Variants in MAGI2 observed in about 807,000 individuals in gnomAD.
MAGI2 encodes the protein membrane associated guanylate kinase, WW and PDZ domain containing 2.
Under a neutral mutation model 133.3 loss-of-function variants are expected in MAGI2, and 35 were observed. The ratio of observed to expected loss-of-function variants is 0.26; its 90% CI spans 0.20 to 0.35. The LOEUF (loss-of-function observed/expected upper bound fraction) is 0.35. Ranked by LOEUF, MAGI2 falls within the 10% of genes least tolerant of loss-of-function variation. MAGI2 has a pLI of 1.00. For synonymous variants in MAGI2, 729 were observed against 710.6 expected (o/e 1.03, Z -0.41); for missense variants, 1,636 against 1,863.4 (o/e 0.88, Z 2.25).
rs376769327 is a variant in MAGI2, at chr7:78,367,525, C to G, written c.1103+1631G>C. 2.0e-5 allele frequency among the ~76,000 whole-genome samples: 3 copies of G among 152,336 alleles called. No individual in the cohort carries two copies. The East Asian group carries it at 5.8e-4, about 29-fold the overall frequency. ...GTTGCTGATGGTTGCTTTCAAGCTA[C>G]AACAGCAGAGCTAAGCAGTTATAAC... On this transcript the variant is annotated intron_variant, in intron 7 of 21. Transcript: ENST00000354212.
chr7:79,059,295 G>A (rs58639929), intron 1 of MAGI2, among the ~76,000 whole-genome samples: 1 of 151,886 alleles, frequency 6.6e-6, no homozygotes, highest in Non-Finnish European at 1.5e-5. Context: ...AACGGACCTT[G>A]TCTGTCCAAA....
chr7:78,838,522 G>GTGTGTC (rs1275659250), intron 2 of MAGI2, among the ~76,000 whole-genome samples: 1 of 151,476 alleles, frequency 6.6e-6, no homozygotes, highest in Non-Finnish European at 1.5e-5. Flanking sequence ...GTGTGTGTGT[G>GTGTGTC]TGTGTGTGTG....
chr7:78,560,939 C>G (rs887555326), intron 3 of MAGI2, among the ~76,000 whole-genome samples: 11 of 152,250 alleles, frequency 7.2e-5, no homozygotes, highest in African/African-American at 2.6e-4. Flanking sequence ...CTGGAACTTT[C>G]TCAGGCATTA....
chr7:78,439,154 A>G (rs1051172070), intron 6 of MAGI2, among the ~76,000 whole-genome samples: 8 of 152,204 alleles, frequency 5.3e-5, no homozygotes, highest in Non-Finnish European at 7.3e-5. Flanking sequence ...GCACTGAGTT[A>G]AAGAACAGTG....
intron 7 of MAGI2, among the ~76,000 whole-genome samples, chr7:78,364,977 G>A (rs6466171): frequency 3.3e-5 from 5 of 152,128 alleles, no homozygotes; most frequent in Admixed American, 3.3e-4. Flanking sequence ...TACATAGAGT[G>A]AGAACTTGGT....
At chr7:78,395,976 G>A (rs1310602472) in intron 6 of MAGI2, among the ~76,000 whole-genome samples, 1 of 152,272 alleles carries the variant, frequency 6.6e-6, no homozygotes, top group Admixed American at 6.5e-5. Context: ...AAACCTTTTT[G>A]TATGAGGCTA....
intron 10 of MAGI2, chr7:78,252,250 C>T (rs954104420): frequency 4.0e-5 from 6 of 151,208 alleles, no homozygotes; most frequent in African/African-American, 1.5e-4. Flanking sequence ...GGAGGACTAA[C>T]ACTCTCTGGT....
intron 1 of MAGI2, among the ~76,000 whole-genome samples, chr7:79,269,089 C>T (rs992569484): frequency 1.3e-5 from 2 of 152,236 alleles, no homozygotes; most frequent in South Asian, 4.1e-4. Flanking sequence ...GTCAAATCCC[C>T]AGCTGGAATC....
intron 1 of MAGI2, among the ~76,000 whole-genome samples, chr7:79,298,539 A>T (rs1429358892): frequency 1.3e-5 from 2 of 152,112 alleles, no homozygotes; most frequent in Non-Finnish European, 2.9e-5. Flanking sequence ...TACATAGTAA[A>T]TTTTTTTCAT....
intron 2 of MAGI2, among the ~76,000 whole-genome samples, chr7:78,639,902 AG>A (rs1408485566): frequency 1.3e-5 from 2 of 152,346 alleles, no homozygotes; most frequent in South Asian, 2.1e-4. Context: ...CTGATAAAAA[AG>A]AAAACATAAG....
intron 1 of MAGI2, among the ~76,000 whole-genome samples, chr7:79,346,759 T>A (rs1192104110): frequency 5.9e-5 from 9 of 151,982 alleles, no homozygotes; most frequent in Non-Finnish European, 1.2e-4. Flanking sequence ...GGATCCCATG[T>A]TCAACCTTTC....
At position 78,350,105 on chromosome 7, in the gene MAGI2, A is replaced by G. The variant is rs189830680; in HGVS notation, c.1104-4062T>C. ...ATATTCTGAAGTGCGTATATCTTAA[A>G]GATTCCGTTTTCTCTTTACAGAAGG... On this transcript the variant is annotated intron_variant, in intron 7 of 21. Transcript: ENST00000354212. 5 of 152,336 alleles carry G rather than the reference A, an allele frequency of 3.3e-5. No individual in the cohort carries two copies. The East Asian group carries it at 9.6e-4, about 29-fold the overall frequency. The allele number at this position is 152,336 out of a possible 1,614,324, so 9.4% of individuals were successfully genotyped here.
intron 2 of MAGI2, among the ~76,000 whole-genome samples, chr7:78,973,549 T>A (rs1308364901): frequency 7.5e-6 from 1 of 133,138 alleles, no homozygotes; most frequent in Non-Finnish European, 1.5e-5. Flanking sequence ...TGCAAGAGAC[T>A]TTTTTTTTTT....
chr7:78,540,775 G>T (rs1454465144), intron 3 of MAGI2, among the ~76,000 whole-genome samples: 1 of 152,062 alleles, frequency 6.6e-6, no homozygotes, highest in Non-Finnish European at 1.5e-5. Context: ...AGTGCCTACA[G>T]GACTCTCCCC....
intron 1 of MAGI2, among the ~76,000 whole-genome samples, chr7:79,447,907 T>G (rs981552055): frequency 2.6e-5 from 4 of 152,114 alleles, no homozygotes; most frequent in African/African-American, 9.6e-5. Context: ...TTATTATTGT[T>G]ATTCTTTATG....
chr7:78,682,762 C>T (rs571324174), intron 2 of MAGI2, among the ~76,000 whole-genome samples: 2 of 152,122 alleles, frequency 1.3e-5, no homozygotes, highest in East Asian at 1.9e-4. Context: ...ACCATTTGAC[C>T]CAGGAATCCC....
intron 6 of MAGI2, among the ~76,000 whole-genome samples, chr7:78,456,327 T>G (rs1789317907): frequency 6.6e-6 from 1 of 152,198 alleles, no homozygotes; most frequent in South Asian, 2.1e-4. Flanking sequence ...ATATTCTACC[T>G]TCCATCTCCC....
At chr7:78,667,959 T>A (rs186611573) in intron 2 of MAGI2, among the ~76,000 whole-genome samples, 2 of 152,288 alleles carry the variant, frequency 1.3e-5, no homozygotes, top group African/African-American at 4.8e-5. Flanking sequence ...CTCTGAGGAA[T>A]CGCTACACTG....
intron 20 of MAGI2, among the ~76,000 whole-genome samples, chr7:78,122,107 A>T (rs1031146307): frequency 1.3e-5 from 2 of 152,162 alleles, no homozygotes; most frequent in Non-Finnish European, 2.9e-5. Context: ...CAAGTGCTTT[A>T]TTTAGGAAGG....
Sources: allele counts gnomAD v4.1 joint callset (sites outside exome capture counted in the v4.1 genomes callset), GRCh38; gene constraint gnomAD v4.1.1; transcripts MANE v1.5; gene names NCBI Gene and HGNC (gene_info 2026-07-23, HGNC 2026-07-21).